The following HSPA9 variants were observed in gnomAD, a reference collection of about 807,000 sequenced individuals.
HSPA9 encodes heat shock protein family A (Hsp70) member 9.
HSPA9 carries 28 observed loss-of-function variants against 81.5 expected under a neutral mutation model. The ratio of observed to expected loss-of-function variants is 0.34; its 90% CI spans 0.25 to 0.47. The LOEUF is 0.47. Among genes scored for constraint, HSPA9 ranks in the 20% least tolerant of loss-of-function variants. The pLI, the probability that HSPA9 is intolerant of heterozygous loss-of-function variation, is 1.00. For synonymous variants in HSPA9, 293 were observed against 290.4 expected, an observed-to-expected ratio of 1.01 and a Z score of -0.09; for missense variants, 678 against 838.0, an observed-to-expected ratio of 0.81 and a Z score of 2.36.
At chr5:138,567,626 A>G (rs781483019) in intron 6 of HSPA9, 23 bp downstream of exon 6, 2 of 1,612,238 alleles carry the variant, frequency 1.2e-6, no homozygotes, top group South Asian at 1.1e-5. Context: ...CTTTTTGTGA[A>G]TAAGAATGCT....
At chr5:138,556,939 A>T in intron 14 of HSPA9, 73 bp from the exon 15 acceptor site, 1 of 987,018 alleles carries the variant, frequency 1.0e-6, no homozygotes, top group South Asian at 1.3e-5. Flanking sequence ...TACTCAGACA[A>T]TAAGCTATGT....
At chr5:138,570,841 G>A (rs529150855) in intron 4 of HSPA9, 119 bp downstream of exon 4, 27 of 940,290 alleles carry the variant, frequency 2.9e-5, no homozygotes, top group East Asian at 2.6e-4. Flanking sequence ...TTCCCCTAGG[G>A]ACAATAAGTA....
At chr5:138,573,994 A>T (rs996088711) in intron 2 of HSPA9, 74 bp downstream of exon 2, 1 of 1,273,436 alleles carries the variant, frequency 7.9e-7, no homozygotes, top group East Asian at 2.3e-5. Flanking sequence ...AGAGAAGAAT[A>T]ATCACAAATG....
At chr5:138,563,464 AC>A (rs1750698877) in intron 9 of HSPA9, among the ~76,000 whole-genome samples, 1 of 151,920 alleles carries the variant, frequency 6.6e-6, no homozygotes. Flanking sequence ...CCTCTCTCAA[AC>A]CCAATCACTT....
In HSPA9 at chr5:138,573,140, G is replaced by A. The variant is rs576372028; in HGVS notation, c.228+623C>T. On this transcript the variant is annotated intron_variant, in intron 3 of 16. Coordinates refer to ENST00000297185, the MANE Select transcript of HSPA9 (RefSeq NM_004134.7). ...GATCTCTTGACCTTGTGATCCACCCGCCTTGGCCTCCCAAAGTGCTAGGAT... is the reference window on the plus strand; with the variant it reads ...GATCTCTTGACCTTGTGATCCACCCACCTTGGCCTCCCAAAGTGCTAGGAT... Among the ~76,000 whole-genome samples the A allele has an allele frequency of 1.7e-3, 258 of 152,094 alleles. 1 individual carries two copies. Among genetic ancestry groups the A allele is most frequent in the African/African-American group, 5.9e-3 (245 of 41,476 alleles).
rs1269168328 is a variant in HSPA9, at chr5:138,566,731, G to A, written c.880-13C>T. On this transcript the variant is annotated splice_polypyrimidine_tract_variant and intron_variant, in intron 8 of 16. Transcript: ENST00000297185. Reference sequence around the variant, plus strand: ...AATCAACCCCTGTCTATAAAGTGAAGACATTGAACACCAAACACCAGCATT... The same window carrying A: ...AATCAACCCCTGTCTATAAAGTGAAAACATTGAACACCAAACACCAGCATT... 1.3e-6 allele frequency: 2 copies of A among 1,589,250 alleles called. No homozygotes were observed. Among genetic ancestry groups the A allele is most frequent in the Non-Finnish European group, 1.7e-6 (2 of 1,157,630 alleles).
chr5:138,556,089 C>G lies in HSPA9; in HGVS notation c.1988G>C (p.Gly663Ala). 1 of 1,613,642 alleles carries G rather than the reference C, an allele frequency of 6.2e-7. No homozygotes were observed. The highest frequency in any genetic ancestry group is 8.5e-7 in the Non-Finnish European group (1 of 1,179,706). ...CTTTTGTTCCCCAGTGCCAGAACTTCCAGAGCCTTCTCGCTCAGATGCCAT... is the reference window on the plus strand; with the variant it reads ...CTTTTGTTCCCCAGTGCCAGAACTTGCAGAGCCTTCTCGCTCAGATGCCAT... ...KKMASEREGS[G>A]SSGTGEQKED... Residue 663 changes from glycine to alanine, a missense_variant, in exon 17 of 17, where the codon GGA (glycine) becomes GCA (alanine). This residue lies in a region of HSPA9 where 100 missense variants were observed against 99.5 expected (regional missense o/e 1.00). Transcript: ENST00000297185.
intron 10 of HSPA9, 83 bp downstream of exon 10, chr5:138,561,497 G>T: frequency 9.9e-7 from 1 of 1,007,600 alleles, no homozygotes; most frequent in Non-Finnish European, 1.6e-6. Flanking sequence ...CAGCAGAATG[G>T]GCCATATATT....
intron 9 of HSPA9, among the ~76,000 whole-genome samples, chr5:138,563,372 T>C (rs960243524): frequency 3.9e-5 from 6 of 152,208 alleles, no homozygotes; most frequent in Non-Finnish European, 8.8e-5. Flanking sequence ...TAAAAGCTAA[T>C]GGCAACCTGA....
intron 1 of HSPA9, 184 bp downstream of exon 1, chr5:138,575,054 G>A (rs772847931): frequency 1.1e-5 from 7 of 613,088 alleles, no homozygotes; most frequent in Non-Finnish European, 2.1e-5. Context: ...GGCCCAAGCC[G>A]GAGGCAAAAC....
At position 138,559,957 on chromosome 5, in the gene HSPA9, A is replaced by G; in HGVS notation, c.1317T>C (p.Asp439=). ...AGDVTDVLLL[D]VTPLSLGIET... ...CAATACCCAGAGACAGGGGAGTGAC[A>G]TCAAGGAGCAGCACATCCGTGACAT... Residue 439 remains aspartate, a synonymous_variant, in exon 11 of 17, where the codon GAT becomes GAC. Coordinates refer to ENST00000297185, the MANE Select transcript of HSPA9 (RefSeq NM_004134.7). The G allele has an allele frequency of 6.2e-7, 1 of 1,614,156 alleles. No homozygotes were observed. The highest frequency in any genetic ancestry group is 8.5e-7 in the Non-Finnish European group (1 of 1,180,010).
rs778087540 is a variant in HSPA9, at chr5:138,567,458, T to G, written c.713A>C (p.Lys238Thr). Reference sequence around the variant, plus strand: ...GAAATTTACTGCACAAACTTACACTTTGTCTTCTGATTTGTCTAGACCATA... The same window carrying G: ...GAAATTTACTGCACAAACTTACACTGTGTCTTCTGATTTGTCTAGACCATA... Reference protein sequence around the residue: ...LAYGLDKSEDKVIAVYDLGGG... With the variant: ...LAYGLDKSEDTVIAVYDLGGG... Residue 238 changes from lysine (K) to threonine (T), a missense_variant, in exon 7 of 17, where the codon AAA (lysine) becomes ACA (threonine). By Grantham distance (78) the Lys-to-Thr change is moderately conservative (BLOSUM62 -1). Coordinates refer to ENST00000297185, the MANE Select transcript of HSPA9 (RefSeq NM_004134.7). 1.2e-6 allele frequency: 2 copies of G among 1,611,534 alleles called. No individual in the cohort carries two copies. Among genetic ancestry groups the G allele is most frequent in the South Asian group, 1.1e-5 (1 of 91,016 alleles).
chr5:138,559,486 C>G (rs1279999302), intron 11 of HSPA9, among the ~76,000 whole-genome samples: 2 of 152,156 alleles, frequency 1.3e-5, no homozygotes, highest in Admixed American at 1.3e-4. Context: ...CCCCTTCATT[C>G]ATCCATAAGA....
chr5:138,573,002 T>A (rs753463447), intron 3 of HSPA9, among the ~76,000 whole-genome samples: 1 of 152,136 alleles, frequency 6.6e-6, no homozygotes, highest in Admixed American at 6.5e-5. Context: ...TTCAAGCGAT[T>A]CTCCTGCCTC....
chr5:138,574,090 G>C lies in HSPA9; in HGVS notation c.118C>G (p.Leu40Val), dbSNP rs776645890. Residue 40 changes from leucine to valine, a missense_variant, in exon 2 of 17, where the codon CTT (leucine) becomes GTT (valine). Physicochemically the swap from Leu to Val is conservative, Grantham distance 32. Transcript: ENST00000297185. ...TACGCATAATCCCGCCTTGAAACAA[G>C]TCTAAAAGCCTCATGACTAAGGCCA... ...WNGLSHEAFR[L>V]VSRRDYASEA... 1 of 1,613,588 alleles carries C rather than the reference G, an allele frequency of 6.2e-7. No individual in the cohort carries two copies. The highest frequency in any genetic ancestry group is 1.7e-5 in the Admixed American group (1 of 59,984).
rs1027787961 is a variant in HSPA9, at chr5:138,556,081, C to T, written c.1996G>A (p.Gly666Ser). 1 of 1,613,560 alleles carries T rather than the reference C, an allele frequency of 6.2e-7. No individual in the cohort carries two copies. The highest frequency in any genetic ancestry group is 1.7e-5 in the Admixed American group (1 of 59,990). Reference sequence around the variant, plus strand: ...TGATCTTCCTTTTGTTCCCCAGTGCCAGAACTTCCAGAGCCTTCTCGCTCA... The same window carrying T: ...TGATCTTCCTTTTGTTCCCCAGTGCTAGAACTTCCAGAGCCTTCTCGCTCA... ...ASEREGSGSS[G>S]TGEQKEDQKE... The change falls in exon 17 of 17, where the codon GGC becomes AGC. Residue 666 changes from glycine to serine, a missense_variant. Coordinates refer to ENST00000297185, the MANE Select transcript of HSPA9 (RefSeq NM_004134.7).
chr5:138,556,903 A>G (rs1256603705), intron 14 of HSPA9, 37 bp from the exon 15 acceptor site: 3 of 1,474,060 alleles, frequency 2.0e-6, no homozygotes, highest in South Asian at 2.3e-5. Flanking sequence ...AGACTTTCCA[A>G]TCAACCAAAG....
In HSPA9 at chr5:138,556,087, T is replaced by A. The variant is rs969505863; in HGVS notation, c.1990A>T (p.Ser664Cys). Residue 664 changes from serine (S) to cysteine (C), a missense_variant, in exon 17 of 17, where the codon AGT becomes TGT. Ser to Cys is a moderately radical substitution (Grantham distance 112). This residue lies in a region of HSPA9 where 100 missense variants were observed against 99.5 expected (regional missense o/e 1.00). Coordinates refer to ENST00000297185, the MANE Select transcript of HSPA9 (RefSeq NM_004134.7). Reference protein sequence around the residue: ...KMASEREGSGSSGTGEQKEDQ... With the variant: ...KMASEREGSGCSGTGEQKEDQ... ...TCCTTTTGTTCCCCAGTGCCAGAAC[T>A]TCCAGAGCCTTCTCGCTCAGATGCC... is the stretch of plus-strand genomic sequence containing the variant. The A allele has an allele frequency of 1.9e-6, 3 of 1,613,588 alleles. No individual in the cohort carries two copies. The highest frequency in any genetic ancestry group is 1.7e-6 in the Non-Finnish European group (2 of 1,179,730).
chr5:138,565,040 G>T (rs888946705), intron 9 of HSPA9, among the ~76,000 whole-genome samples: 9 of 152,170 alleles, frequency 5.9e-5, no homozygotes, highest in African/African-American at 2.4e-5. Flanking sequence ...TAAACGCTAA[G>T]AATTTATTCT....
Sources: gnomAD v4.1 joint callset for allele counts (sites outside exome capture counted in the v4.1 genomes callset) on GRCh38, gnomAD v4.1.1 for gene constraint, gnomAD v4.1.1 regional missense constraint, MANE v1.5 for transcripts, NCBI Gene and HGNC (gene_info 2026-07-23, HGNC 2026-07-21) for gene names.